The following MBTD1 variants were observed in gnomAD, a reference collection of about 807,000 sequenced individuals.
MBTD1 encodes the protein mbt domain containing 1.
Under a neutral mutation model 87.8 loss-of-function variants are expected in MBTD1, and 24 were observed. That is an observed-to-expected ratio of 0.27 (90% CI 0.20 to 0.38). MBTD1 has a LOEUF of 0.38. MBTD1 is among the 10% of genes least tolerant of loss of function. The pLI, the probability that MBTD1 is intolerant of heterozygous loss-of-function variation, is 1.00. For synonymous variants in MBTD1, 237 were observed against 248.6 expected, an observed-to-expected ratio of 0.95 and a Z score of 0.44; for missense variants, 436 against 760.2, an observed-to-expected ratio of 0.57 and a Z score of 5.02.
intron 12 of MBTD1, among the ~76,000 whole-genome samples, chr17:51,200,934 G>A (rs547326091): frequency 6.4e-4 from 98 of 151,944 alleles, no homozygotes; most frequent in African/African-American, 2.3e-3. Flanking sequence ...GATTGCCTGA[G>A]CCCAGGAATC....
intron 16 of MBTD1, chr17:51,183,546 C>T (rs929482): frequency 0.49 from 74,314 of 152,006 alleles, 18,479 homozygotes; most frequent in African/African-American, 0.54. Flanking sequence ...GGTTTTGGTA[C>T]TGGTGATCAA....
intron 16 of MBTD1, among the ~76,000 whole-genome samples, chr17:51,181,258 C>T (rs1003958101): frequency 2.0e-5 from 3 of 152,110 alleles, no homozygotes; most frequent in African/African-American, 7.2e-5. Context: ...ATCTCTTGAC[C>T]TTGTGATCCG....
intron 1 of MBTD1, among the ~76,000 whole-genome samples, 187 bp from the exon 2 acceptor site, chr17:51,259,393 C>CTG (rs1356464716): frequency 6.6e-6 from 1 of 152,130 alleles, no homozygotes; most frequent in Non-Finnish European, 1.5e-5. Context: ...CCTCGCGGCA[C>CTG]TGCCCCCAAG....
intron 12 of MBTD1, among the ~76,000 whole-genome samples, chr17:51,197,947 T>C (rs926225187): frequency 6.6e-6 from 1 of 152,230 alleles, no homozygotes; most frequent in African/African-American, 2.4e-5. Context: ...TTTCTGATTT[T>C]AGCTCTTTTC....
chr17:51,251,410 A>C (rs1402160550), intron 2 of MBTD1: 1 of 152,204 alleles, frequency 6.6e-6, no homozygotes, highest in Non-Finnish European at 1.5e-5. Context: ...CTTATAATTT[A>C]AAGCTACCAA....
chr17:51,217,269 A>C, intron 6 of MBTD1, 65 bp downstream of exon 6: 1 of 887,590 alleles, frequency 1.1e-6, no homozygotes. Context: ...CTTAGGTGTT[A>C]TTGTACCTTC....
intron 8 of MBTD1, 120 bp from the exon 9 acceptor site, chr17:51,203,348 A>G (rs2051605148): frequency 1.7e-6 from 1 of 576,420 alleles, no homozygotes; most frequent in Non-Finnish European, 3.0e-6. Flanking sequence ...GAAAAGTAAC[A>G]AATATAGAGA....
intron 6 of MBTD1, among the ~76,000 whole-genome samples, chr17:51,215,687 C>T (rs2052527490): frequency 6.6e-6 from 1 of 152,064 alleles, no homozygotes; most frequent in African/African-American, 2.4e-5. Flanking sequence ...ACACTATTAT[C>T]AACATTACAG....
intron 13 of MBTD1, among the ~76,000 whole-genome samples, chr17:51,194,374 A>T (rs1042576707): frequency 4.6e-5 from 7 of 152,080 alleles, no homozygotes; most frequent in Admixed American, 3.3e-4. Context: ...GTTCGTGATG[A>T]GCCTGGCCTA....
chr17:51,178,533 A>G lies in MBTD1; in HGVS notation c.*2043T>C, dbSNP rs1179508833. ...TAAATCCAAGGTACTGGCAGAGTACACTACACAACAGGCTTCTTGTGCCTG... is the reference window on the plus strand; with the variant it reads ...TAAATCCAAGGTACTGGCAGAGTACGCTACACAACAGGCTTCTTGTGCCTG... On this transcript the variant is annotated 3_prime_UTR_variant, in exon 17 of 17. Coordinates refer to ENST00000586178, the MANE Select transcript of MBTD1 (RefSeq NM_017643.3). 6.6e-6 allele frequency: 1 copy of G among 152,216 alleles called. No homozygotes were observed. The highest frequency in any genetic ancestry group is 2.4e-5 in the African/African-American group (1 of 41,446). The allele number at this position is 152,216 out of a possible 1,614,324, so 9.4% of individuals were successfully genotyped here. A position where few individuals can be genotyped will look rare whatever the true frequency, so the allele number is the denominator to read the frequency against.
At chr17:51,209,861 G>A (rs2052069236) in intron 6 of MBTD1, among the ~76,000 whole-genome samples, 1 of 152,204 alleles carries the variant, frequency 6.6e-6, no homozygotes, top group African/African-American at 2.4e-5. Flanking sequence ...TCTAGCAGAG[G>A]ATGATGAAAT....
At chr17:51,203,291 T>C in intron 8 of MBTD1, 63 bp from the exon 9 acceptor site, 1 of 840,178 alleles carries the variant, frequency 1.2e-6, no homozygotes, top group South Asian at 2.3e-5. Context: ...AAATTATTTG[T>C]TAAAAAAGTA....
intron 2 of MBTD1, among the ~76,000 whole-genome samples, chr17:51,237,067 C>T (rs1055482464): frequency 1.3e-4 from 20 of 152,108 alleles, no homozygotes; most frequent in African/African-American, 2.6e-4. Flanking sequence ...GAGGCCGAGG[C>T]GGGCGGATCA....
chr17:51,180,553 C>A lies in MBTD1; in HGVS notation c.*23G>T. The A allele has an allele frequency of 7.7e-7, 1 of 1,297,820 alleles. No homozygotes were observed. The highest frequency in any genetic ancestry group is 1.1e-6 in the Non-Finnish European group (1 of 918,350). 80.4% of individuals were successfully genotyped at this position (1,297,820 alleles called of 1,614,324 possible). A position where few individuals can be genotyped will look rare whatever the true frequency, so the allele number is the denominator to read the frequency against. On this transcript the variant is annotated 3_prime_UTR_variant, in exon 17 of 17. Coordinates refer to ENST00000586178, the MANE Select transcript of MBTD1 (RefSeq NM_017643.3). ...AGTCCTGTGTAAAATCCTTCCCCAC[C>A]CGCCCTCAGTTTCTAAGCCACCTCA...
chr17:51,203,993 T>G, intron 7 of MBTD1, 68 bp from the exon 8 acceptor site: 1 of 1,282,694 alleles, frequency 7.8e-7, no homozygotes. Flanking sequence ...CAGCATCTGA[T>G]AGCAGTTGTC....
chr17:51,260,412 G>A (rs2055405746), upstream of MBTD1: 2 of 699,438 alleles, frequency 2.9e-6, no homozygotes, highest in South Asian at 4.0e-5. Context: ...ACGGGGCGGG[G>A]CTGGGTAGGG....
At chr17:51,188,448 A>T (rs1419802189) in intron 16 of MBTD1, among the ~76,000 whole-genome samples, 1 of 152,206 alleles carries the variant, frequency 6.6e-6, no homozygotes. Flanking sequence ...GATGATCTTA[A>T]GTTCAAAAAG....
intron 9 of MBTD1, 85 bp downstream of exon 9, chr17:51,203,054 AC>A: frequency 7.7e-7 from 1 of 1,296,910 alleles, no homozygotes; most frequent in South Asian, 1.3e-5. Context: ...CATCTGGTTC[AC>A]AAAATTAAAC....
rs1467017963 is a variant in MBTD1 at position 51,192,901 on chromosome 17, A to G, written c.1571T>C (p.Ile524Thr). The change falls in exon 15 of 17, where the codon ATA becomes ACA. Residue 524 changes from isoleucine to threonine, a missense_variant. Ile to Thr is a moderately conservative substitution (Grantham distance 89, BLOSUM62 -1). Coordinates refer to ENST00000586178, the MANE Select transcript of MBTD1 (RefSeq NM_017643.3). ...VTRIIHRLLR[I>T]HFDGWEEEYD... is the part of the protein sequence containing the mutation. Reference sequence around the variant, plus strand: ...CTCTTCTTCCCATCCATCAAAATGTATCCTCAAGAGACGATGAATAATTCG... The same window carrying G: ...CTCTTCTTCCCATCCATCAAAATGTGTCCTCAAGAGACGATGAATAATTCG... The G allele has an allele frequency of 6.2e-7, 1 of 1,614,092 alleles. No homozygotes were observed. The highest frequency in any genetic ancestry group is 2.2e-5 in the East Asian group (1 of 44,888).
Sources: allele counts gnomAD v4.1 joint callset (sites outside exome capture counted in the v4.1 genomes callset), GRCh38; gene constraint gnomAD v4.1.1; transcripts MANE v1.5; gene names NCBI Gene and HGNC (gene_info 2026-07-23, HGNC 2026-07-21).